Variants in HS6ST3 observed in about 807,000 individuals in gnomAD.
HS6ST3 encodes heparan-sulfate 6-O-sulfotransferase 3.
Under a neutral mutation model 36.7 loss-of-function variants are expected in HS6ST3, and 12 were observed. The ratio of observed to expected loss-of-function variants is 0.33; its 90% CI spans 0.21 to 0.53. HS6ST3 has a LOEUF of 0.53. Among genes scored for constraint, HS6ST3 ranks in the 20% least tolerant of loss-of-function variants. The pLI is 0.95. For missense variants in HS6ST3, 584 were observed against 640.9 expected, an observed-to-expected ratio of 0.91 and a Z score of 0.96; for synonymous variants, 240 against 257.5, an observed-to-expected ratio of 0.93 and a Z score of 0.65.
At chr13:96,522,578 G>A (rs562199577) in intron 1 of HS6ST3, among the ~76,000 whole-genome samples, 1 of 152,222 alleles carries the variant, frequency 6.6e-6, no homozygotes, top group South Asian at 2.1e-4. Context: ...TCTTCTTGTT[G>A]AATTTATCCC....
At chr13:96,131,349 T>C (rs2053974684) in intron 1 of HS6ST3, among the ~76,000 whole-genome samples, 1 of 152,026 alleles carries the variant, frequency 6.6e-6, no homozygotes, top group African/African-American at 2.4e-5. Context: ...GGATATTTTT[T>C]CTTTTAAACA....
chr13:96,090,808 T>G lies in HS6ST3; in HGVS notation c.-55T>G. 7.1e-7 allele frequency: 1 copy of G among 1,413,734 alleles called. No homozygotes were observed. Among genetic ancestry groups the G allele is most frequent in the South Asian group, 1.4e-5 (1 of 69,386 alleles). 87.6% of individuals were successfully genotyped at this position (1,413,734 alleles called of 1,614,324 possible). A position where few individuals can be genotyped will look rare whatever the true frequency, so the allele number is the denominator to read the frequency against. The stretch of plus-strand genomic sequence containing the variant: ...CGCGAAACTTCCGAGCGGGCGCCCG[T>G]CCGCCCTGCCGCCGCCGCCGCCGCC... On this transcript the variant is annotated 5_prime_UTR_variant, in exon 1 of 2. Transcript: ENST00000376705.
chr13:96,381,439 A>ATCTATCTAT (rs2055341260), intron 1 of HS6ST3, among the ~76,000 whole-genome samples: 1 of 71,020 alleles, frequency 1.4e-5, no homozygotes. Context: ...TCTATCTATC[A>ATCTATCTAT]CTCATTCCAA....
At chr13:96,401,580 AT>A (rs2055451484) in intron 1 of HS6ST3, among the ~76,000 whole-genome samples, 1 of 152,092 alleles carries the variant, frequency 6.6e-6, no homozygotes, top group African/African-American at 2.4e-5. Context: ...AAGGACTGTT[AT>A]TTATTTATTT....
At position 96,837,167 on chromosome 13, in the gene HS6ST3, A is replaced by G. The variant is rs376529147; in HGVS notation, c.*3969A>G. 123 of 152,362 alleles carry G rather than the reference A, an allele frequency of 8.1e-4. No homozygotes were observed. Among genetic ancestry groups the G allele is most frequent in the African/African-American group, 2.8e-3 (117 of 41,576 alleles). The allele number at this position is 152,362 out of a possible 1,614,324, so 9.4% of individuals were successfully genotyped here. ...AATAATGTGGAAATTAATACTGATA[A>G]AGACTATCAGTATCTGATACAAAAG... On this transcript the variant is annotated 3_prime_UTR_variant, in exon 2 of 2. Transcript: ENST00000376705.
chr13:96,423,521 G>A (rs1225657314), intron 1 of HS6ST3, among the ~76,000 whole-genome samples: 1 of 151,752 alleles, frequency 6.6e-6, no homozygotes, highest in Non-Finnish European at 1.5e-5. Flanking sequence ...GGACAGTCAA[G>A]ACCTCTGAAG....
At chr13:96,565,114 C>T (rs1177191464) in intron 1 of HS6ST3, among the ~76,000 whole-genome samples, 1 of 151,852 alleles carries the variant, frequency 6.6e-6, no homozygotes, top group East Asian at 1.9e-4. Context: ...TTATCTCTCT[C>T]CCCTTCTAAA....
chr13:96,422,007 C>G (rs2055564984), intron 1 of HS6ST3, among the ~76,000 whole-genome samples: 1 of 152,196 alleles, frequency 6.6e-6, no homozygotes, highest in African/African-American at 2.4e-5. Context: ...ATAATTATCA[C>G]CTCCTTCTGA....
At chr13:96,101,451 G>A (rs1054158880) in intron 1 of HS6ST3, among the ~76,000 whole-genome samples, 12 of 151,736 alleles carry the variant, frequency 7.9e-5, no homozygotes, top group African/African-American at 2.9e-4. Flanking sequence ...ATTTATTTTG[G>A]GGGAATGTGA....
At chr13:96,625,683 C>T (rs2056509698) in intron 1 of HS6ST3, among the ~76,000 whole-genome samples, 3 of 151,718 alleles carry the variant, frequency 2.0e-5, no homozygotes, top group Non-Finnish European at 4.4e-5. Flanking sequence ...TTGTGAAATG[C>T]TTATTTGTGA....
intron 1 of HS6ST3, among the ~76,000 whole-genome samples, chr13:96,674,790 T>C (rs1219765229): frequency 6.6e-6 from 1 of 152,162 alleles, no homozygotes; most frequent in African/African-American, 2.4e-5. Context: ...CTGTTCCTCC[T>C]CCTATGCGTC....
chr13:96,149,543 A>G (rs2054074601), intron 1 of HS6ST3, among the ~76,000 whole-genome samples: 1 of 152,164 alleles, frequency 6.6e-6, no homozygotes, highest in South Asian at 2.1e-4. Context: ...GCTGCCAGTG[A>G]CTCAGGGCAT....
At chr13:96,351,963 G>A (rs1200336592) in intron 1 of HS6ST3, among the ~76,000 whole-genome samples, 1 of 152,006 alleles carries the variant, frequency 6.6e-6, no homozygotes, top group Non-Finnish European at 1.5e-5. Flanking sequence ...AAATAGAACA[G>A]CAACACAAAT....
intron 1 of HS6ST3, among the ~76,000 whole-genome samples, chr13:96,140,460 A>G (rs1310042076): frequency 6.6e-6 from 1 of 152,154 alleles, no homozygotes; most frequent in East Asian, 1.9e-4. Context: ...ATGTAGTGCA[A>G]CATTGTAAAC....
chr13:96,657,673 T>G (rs2056630434), intron 1 of HS6ST3, among the ~76,000 whole-genome samples: 1 of 152,148 alleles, frequency 6.6e-6, no homozygotes, highest in Admixed American at 6.6e-5. Context: ...TTGTAAAGAA[T>G]CCTTGACGGT....
chr13:96,446,009 A>G (rs532325474), intron 1 of HS6ST3, among the ~76,000 whole-genome samples: 1 of 152,132 alleles, frequency 6.6e-6, no homozygotes, highest in African/African-American at 2.4e-5. Flanking sequence ...CGTCTCTACT[A>G]AAAATACAAA....
chr13:96,663,009 G>A (rs79145924), intron 1 of HS6ST3, among the ~76,000 whole-genome samples: 1,835 of 152,250 alleles, frequency 0.012, 32 homozygotes, highest in African/African-American at 0.042. Flanking sequence ...TGGGATGCCT[G>A]CTGCCCTAAG....
At chr13:96,384,649 G>C (rs921290347) in intron 1 of HS6ST3, among the ~76,000 whole-genome samples, 3 of 152,014 alleles carry the variant, frequency 2.0e-5, no homozygotes, top group Non-Finnish European at 4.4e-5. Flanking sequence ...AACTCAACAG[G>C]GTTCAGTAAC....
intron 1 of HS6ST3, among the ~76,000 whole-genome samples, chr13:96,277,161 T>C (rs1331664953): frequency 6.6e-6 from 1 of 152,210 alleles, no homozygotes; most frequent in African/African-American, 2.4e-5. Flanking sequence ...GGGATGCCCT[T>C]CCTGTATCTT....
Sources: allele counts gnomAD v4.1 joint callset (sites outside exome capture counted in the v4.1 genomes callset), GRCh38; gene constraint gnomAD v4.1.1; transcripts MANE v1.5; gene names NCBI Gene and HGNC (gene_info 2026-07-23, HGNC 2026-07-21).